Variants in CALCRL observed in about 807,000 individuals in gnomAD.
CALCRL encodes calcitonin gene-related peptide type 1 receptor.
CALCRL carries 27 observed loss-of-function variants against 60.4 expected under a neutral mutation model. The ratio of observed to expected loss-of-function variants is 0.45; its 90% CI spans 0.33 to 0.62. The LOEUF (loss-of-function observed/expected upper bound fraction) is 0.62. CALCRL is among the 20% of genes least tolerant of loss of function. The pLI, the probability that CALCRL is intolerant of heterozygous loss-of-function variation, is 0.03. For missense variants in CALCRL, 424 were observed against 540.7 expected (o/e 0.78, Z 2.14); for synonymous variants, 190 against 182.6 (o/e 1.04, Z -0.33).
intron 1 of CALCRL, among the ~76,000 whole-genome samples, chr2:187,424,923 T>C (rs1690052715): frequency 6.6e-6 from 1 of 151,940 alleles, no homozygotes; most frequent in South Asian, 2.1e-4. Flanking sequence ...AATAATAATA[T>C]TTAAGTGCAA....
chr2:187,370,335 TA>T (rs1687467702), intron 8 of CALCRL, among the ~76,000 whole-genome samples: 1 of 152,146 alleles, frequency 6.6e-6, no homozygotes, highest in Admixed American at 6.6e-5. Context: ...TTGTAAAATA[TA>T]TTATGACTTT....
intron 1 of CALCRL, among the ~76,000 whole-genome samples, chr2:187,445,319 A>G (rs889022976): frequency 3.3e-5 from 5 of 151,606 alleles, no homozygotes; most frequent in African/African-American, 1.2e-4. Context: ...TTTAAATACT[A>G]TTTCTTGAAC....
intron 1 of CALCRL, chr2:187,415,854 GC>G: frequency 2.8e-6 from 1 of 351,006 alleles, no homozygotes; most frequent in Non-Finnish European, 5.2e-6. Flanking sequence ...TAAGACCCCT[GC>G]ACCACCAGCC....
chr2:187,422,867 T>G (rs1689942038), intron 1 of CALCRL, among the ~76,000 whole-genome samples: 1 of 151,958 alleles, frequency 6.6e-6, no homozygotes, highest in African/African-American at 2.4e-5. Flanking sequence ...TTCTCAATTT[T>G]TAGTGTAAAA....
At chr2:187,376,447 A>G (rs1687759321) in intron 8 of CALCRL, among the ~76,000 whole-genome samples, 1 of 152,028 alleles carries the variant, frequency 6.6e-6, no homozygotes, top group Admixed American at 6.5e-5. Context: ...GCTAATTTTT[A>G]TGATATCTTG....
chr2:187,367,334 T>C (rs1687342382), intron 8 of CALCRL, among the ~76,000 whole-genome samples: 1 of 152,144 alleles, frequency 6.6e-6, no homozygotes, highest in Non-Finnish European at 1.5e-5. Flanking sequence ...TATGTCCTAC[T>C]GCCTAAAATA....
intron 10 of CALCRL, among the ~76,000 whole-genome samples, chr2:187,359,734 A>G (rs984355357): frequency 6.6e-6 from 1 of 152,138 alleles, no homozygotes; most frequent in Non-Finnish European, 1.5e-5. Context: ...GAAGAAAAAA[A>G]GTGATTAATT....
rs1382446684 is a variant in CALCRL at position 187,345,598 on chromosome 2, T to C, written c.*586A>G. ...CATAACAATTGTACTCAGTTGCTTT[T>C]CATAGAGAAAAGAAAGCCAGCAGGG... On this transcript the variant is annotated 3_prime_UTR_variant, in exon 15 of 15. Coordinates refer to ENST00000392370, the MANE Select transcript of CALCRL (RefSeq NM_005795.6). The C allele has an allele frequency of 1.3e-5, 2 of 151,904 alleles. No individual in the cohort carries two copies. The highest frequency in any genetic ancestry group is 2.9e-5 in the Non-Finnish European group (2 of 67,922). The allele number at this position is 151,904 out of a possible 1,614,324, so 9.4% of individuals were successfully genotyped here.
chr2:187,423,109 A>G (rs1404442373), intron 1 of CALCRL, among the ~76,000 whole-genome samples: 1 of 152,082 alleles, frequency 6.6e-6, no homozygotes, highest in African/African-American at 2.4e-5. Context: ...AAAATTTCAG[A>G]CAAATTTGAC....
chr2:187,419,576 A>T (rs1305605834), intron 1 of CALCRL, among the ~76,000 whole-genome samples: 4 of 152,174 alleles, frequency 2.6e-5, no homozygotes, highest in African/African-American at 9.7e-5. Context: ...AGAACTTAAC[A>T]CCAAAGTGAA....
At chr2:187,395,597 A>G (rs1315043414) in intron 1 of CALCRL, among the ~76,000 whole-genome samples, 1 of 152,048 alleles carries the variant, frequency 6.6e-6, no homozygotes, top group Admixed American at 6.6e-5. Flanking sequence ...TTGAGCATCT[A>G]CTTTTACCTA....
intron 9 of CALCRL, among the ~76,000 whole-genome samples, chr2:187,361,556 C>T (rs115028481): frequency 0.033 from 4,980 of 151,692 alleles, 155 homozygotes; most frequent in African/African-American, 0.08. Context: ...GTTTTTTTAA[C>T]CAAAAATAAA....
At chr2:187,362,422 A>G (rs1481387676) in intron 9 of CALCRL, among the ~76,000 whole-genome samples, 2 of 152,086 alleles carry the variant, frequency 1.3e-5, no homozygotes, top group East Asian at 3.9e-4. Context: ...GCACAGGTGC[A>G]AACAATGCAG....
chr2:187,353,173 T>C (rs1686609402), intron 12 of CALCRL, among the ~76,000 whole-genome samples: 1 of 151,906 alleles, frequency 6.6e-6, no homozygotes, highest in African/African-American at 2.4e-5. Context: ...TTAGAGTTTA[T>C]CTCTTTCTTA....
chr2:187,444,102 A>C (rs1691053772), intron 1 of CALCRL, among the ~76,000 whole-genome samples: 1 of 151,684 alleles, frequency 6.6e-6, no homozygotes, highest in Admixed American at 6.6e-5. Context: ...AATCATTGCA[A>C]TTTAACATAC....
intron 1 of CALCRL, among the ~76,000 whole-genome samples, chr2:187,424,881 G>T (rs993993927): frequency 1.3e-5 from 2 of 151,846 alleles, no homozygotes; most frequent in Non-Finnish European, 2.9e-5. Context: ...CTTAAGGAAG[G>T]CCTGGGAGAC....
rs762707664 is a variant in CALCRL at position 187,383,198 on chromosome 2, C to T, written c.159G>A (p.Met53Ile). The T allele has an allele frequency of 1.9e-6, 3 of 1,611,030 alleles. No homozygotes were observed. The highest frequency in any genetic ancestry group is 2.5e-6 in the Non-Finnish European group (3 of 1,179,426). ...CTTCTGCTTGTTGAATGGGGTCTTG[C>T]ATAATCTTTTGGTAACATTCATATT... is the stretch of plus-strand genomic sequence containing the variant. ...TAQYECYQKI[M>I]QDPIQQAEGV... The change falls in exon 5 of 15, where the codon ATG (methionine) becomes ATA (isoleucine). Residue 53 changes from methionine to isoleucine, a missense_variant. Met to Ile is a conservative substitution (Grantham distance 10). This residue lies in a region of CALCRL where 108 missense variants were observed against 132.9 expected (regional missense o/e 0.81). Coordinates refer to ENST00000392370, the MANE Select transcript of CALCRL (RefSeq NM_005795.6).
chr2:187,376,084 A>C (rs1482412385), intron 8 of CALCRL, among the ~76,000 whole-genome samples: 1 of 152,142 alleles, frequency 6.6e-6, no homozygotes, highest in African/African-American at 2.4e-5. Context: ...CTCTTTATTC[A>C]AGTACTGTTT....
intron 8 of CALCRL, among the ~76,000 whole-genome samples, chr2:187,374,053 G>A (rs1687641793): frequency 6.6e-6 from 1 of 152,046 alleles, no homozygotes; most frequent in Admixed American, 6.6e-5. Flanking sequence ...TGTAGTCCTT[G>A]CTACTTGGGA....
Sources: allele counts gnomAD v4.1 joint callset (sites outside exome capture counted in the v4.1 genomes callset), GRCh38; gene constraint gnomAD v4.1.1; regional missense constraint gnomAD v4.1.1; transcripts MANE v1.5; gene names NCBI Gene and HGNC (gene_info 2026-07-23, HGNC 2026-07-21).